Variants in SCAF11 observed in about 807,000 individuals in gnomAD.
The protein encoded by SCAF11 is SR-related CTD associated factor 11.
In SCAF11, 47 loss-of-function variants were observed where a neutral mutation model predicts 140.5. That is an observed-to-expected ratio of 0.33 (90% confidence interval 0.26 to 0.43). The LOEUF (loss-of-function observed/expected upper bound fraction) is 0.43, where lower values mean the gene tolerates loss of function less well. Among genes scored for constraint, SCAF11 ranks in the 20% least tolerant of loss-of-function variants. SCAF11 has a pLI of 1.00. For synonymous variants in SCAF11, 557 were observed against 579.4 expected, an observed-to-expected ratio of 0.96 and a Z score of 0.55; for missense variants, 1,645 against 1,705.1, an observed-to-expected ratio of 0.96 and a Z score of 0.62.
At chr12:45,938,344 C>T (rs903240125) in intron 6 of SCAF11, among the ~76,000 whole-genome samples, 8 of 152,046 alleles carry the variant, frequency 5.3e-5, no homozygotes, top group African/African-American at 1.9e-4. Flanking sequence ...CCAAAATTAG[C>T]CGGGCATGAT....
intron 1 of SCAF11, among the ~76,000 whole-genome samples, chr12:45,973,808 G>A (rs1341657053): frequency 6.6e-6 from 1 of 152,160 alleles, no homozygotes; most frequent in Non-Finnish European, 1.5e-5. Flanking sequence ...GAAAAATGAT[G>A]AGAATTCTTT....
At chr12:45,943,945 T>C (rs559435980) in intron 6 of SCAF11, among the ~76,000 whole-genome samples, 4 of 152,158 alleles carry the variant, frequency 2.6e-5, no homozygotes, top group East Asian at 1.9e-4. Flanking sequence ...GAATTAATCA[T>C]AGATGCTTAT....
At chr12:45,925,590 A>G (rs911413965) in intron 11 of SCAF11, among the ~76,000 whole-genome samples, 19 of 152,294 alleles carry the variant, frequency 1.2e-4, no homozygotes, top group Admixed American at 1.1e-3. Flanking sequence ...ATTTTTAAGA[A>G]TAAGTTCATG....
intron 1 of SCAF11, among the ~76,000 whole-genome samples, chr12:45,983,115 C>T (rs369231473): frequency 3.3e-5 from 5 of 152,112 alleles, no homozygotes; most frequent in East Asian, 1.9e-4. Context: ...TTAGGACTTA[C>T]GTTGTGTTTC....
At chr12:45,964,728 A>G (rs1382280951) in intron 1 of SCAF11, among the ~76,000 whole-genome samples, 1 of 152,184 alleles carries the variant, frequency 6.6e-6, no homozygotes, top group Non-Finnish European at 1.5e-5. Flanking sequence ...CCTAAATGAT[A>G]TATTTTGTGG....
intron 3 of SCAF11, among the ~76,000 whole-genome samples, chr12:45,954,038 A>G (rs963361210): frequency 2.6e-5 from 4 of 152,228 alleles, no homozygotes; most frequent in African/African-American, 4.8e-5. Flanking sequence ...GTAGATGGAA[A>G]TCCAAGTACT....
chr12:45,947,913 G>A (rs1367541741), intron 5 of SCAF11, among the ~76,000 whole-genome samples: 2 of 152,130 alleles, frequency 1.3e-5, no homozygotes, highest in African/African-American at 4.8e-5. Flanking sequence ...CTGAGCTCAA[G>A]TGATCCTCCC....
At position 45,933,306 on chromosome 12, in the gene SCAF11, G is replaced by C. The variant is rs117383400; in HGVS notation, c.633-74C>G. On this transcript the variant is annotated intron_variant, in intron 8 of 14. Coordinates refer to ENST00000369367, the MANE Select transcript of SCAF11 (RefSeq NM_004719.3). ...CAAAAAAACAATTAGGTTGTACAAA[G>C]AATAGCAGTCGTTTTTGTACCTGGC... is the stretch of plus-strand genomic sequence containing the variant. The C allele has an allele frequency of 3.8e-3, 3,702 of 976,940 alleles. 144 individuals carry two copies. In the East Asian group the frequency reaches 0.082, roughly 22 times the overall value. 60.5% of individuals were successfully genotyped at this position (976,940 alleles called of 1,614,324 possible). A position where few individuals can be genotyped will look rare whatever the true frequency, so the allele number is the denominator to read the frequency against.
intron 1 of SCAF11, among the ~76,000 whole-genome samples, chr12:45,973,013 G>T (rs12830287): frequency 1.3e-4 from 17 of 135,154 alleles, no homozygotes; most frequent in East Asian, 4.4e-4. Context: ...TATATATATA[G>T]ATATATAGAT....
rs148700042 is a variant in SCAF11, at chr12:45,979,619, C to T, written c.-22+10734G>A. On this transcript the variant is annotated intron_variant, in intron 1 of 14. Transcript: ENST00000369367. ...ACAAGTAGTTATTATAAAACCAAGACAGAAAAAAGCAATTATCTTGCACAG... is the reference window on the plus strand; with the variant it reads ...ACAAGTAGTTATTATAAAACCAAGATAGAAAAAAGCAATTATCTTGCACAG... 2.5e-3 allele frequency among the ~76,000 whole-genome samples: 384 copies of T among 152,148 alleles called. 4 individuals are homozygous for T. Among genetic ancestry groups the T allele is most frequent in the African/African-American group, 8.5e-3 (353 of 41,516 alleles).
chr12:45,978,913 CAAAA>C lies in SCAF11; in HGVS notation c.-22+11436_-22+11439del, dbSNP rs539764872. Among the ~76,000 whole-genome samples the C allele has an allele frequency of 1.1e-3, 171 of 151,634 alleles. 1 individual carries two copies. The highest frequency in any genetic ancestry group is 3.7e-3 in the African/African-American group (153 of 41,086). ...CAACAAATAAAAACAAACAAACAAA[CAAAA>C]GACACTTGAGACAGTTAATTTATAA... On this transcript the variant is annotated intron_variant, in intron 1 of 14. Transcript: ENST00000369367.
chr12:45,929,056 T>C, intron 10 of SCAF11, 197 bp from the exon 11 acceptor site: 1 of 351,418 alleles, frequency 2.8e-6, no homozygotes, highest in Non-Finnish European at 5.0e-6. Context: ...GACACTGAAA[T>C]AAGTTATAAC....
chr12:45,939,732 T>G (rs1053750036), intron 6 of SCAF11, among the ~76,000 whole-genome samples: 2 of 152,076 alleles, frequency 1.3e-5, no homozygotes, highest in African/African-American at 4.8e-5. Flanking sequence ...AATAAATAAA[T>G]AAGAAAACAA....
chr12:45,927,142 C>T lies in SCAF11; in HGVS notation c.2559G>A (p.Lys853=), dbSNP rs1259903693. ...ATTGCCTCCTTTCTCTTGCAATATC[C>T]TTTTTTGGGGACTGAGAACGGGATT... is the stretch of plus-strand genomic sequence containing the variant. ...RKKSRSQSPK[K]DIARERRQSQ... The change falls in exon 11 of 15, where the codon AAG becomes AAA. Residue 853 remains lysine (K), a synonymous_variant. Coordinates refer to ENST00000369367, the MANE Select transcript of SCAF11 (RefSeq NM_004719.3). 2 of 1,614,002 alleles carry T rather than the reference C, an allele frequency of 1.2e-6. No individual in the cohort carries two copies. The highest frequency in any genetic ancestry group is 1.1e-5 in the South Asian group (1 of 91,064).
chr12:45,947,830 C>A (rs192379555), intron 5 of SCAF11, among the ~76,000 whole-genome samples: 2 of 152,218 alleles, frequency 1.3e-5, no homozygotes, highest in East Asian at 1.9e-4. Context: ...CCATGTGTCA[C>A]CATGCCCGGC....
At chr12:45,959,176 C>T (rs569580743) in intron 3 of SCAF11, among the ~76,000 whole-genome samples, 2 of 151,746 alleles carry the variant, frequency 1.3e-5, no homozygotes, top group Non-Finnish European at 2.9e-5. Flanking sequence ...AGCTGTGGCA[C>T]AAGAATCGCT....
At chr12:45,969,420 C>T (rs1946025029) in intron 1 of SCAF11, among the ~76,000 whole-genome samples, 1 of 152,188 alleles carries the variant, frequency 6.6e-6, no homozygotes, top group Non-Finnish European at 1.5e-5. Context: ...AAAACTCCCT[C>T]TCCCTCCTTG....
Position 45,926,503 on chromosome 12 carries a change from A to G in SCAF11, c.3198T>C (p.Gly1066=). 6.2e-7 allele frequency: 1 copy of G among 1,613,978 alleles called. No homozygotes were observed. Among genetic ancestry groups the G allele is most frequent in the Non-Finnish European group, 8.5e-7 (1 of 1,179,976 alleles). The part of the protein sequence containing the change: ...GNSWNKNFGS[G]WVSNRGRGRG... ...TGCCTCTACCACGGTTAGATACCCA[A>G]CCAGAACCAAAGTTTTTATTCCAAG... Residue 1066 remains glycine (G), a synonymous_variant, in exon 11 of 15, where the codon GGT becomes GGC. Transcript: ENST00000369367.
At chr12:45,989,811 G>A (rs774786291) in intron 1 of SCAF11, among the ~76,000 whole-genome samples, 3 of 152,156 alleles carry the variant, frequency 2.0e-5, no homozygotes, top group South Asian at 2.1e-4. Flanking sequence ...CACTCGAGAG[G>A]TCACGGCGTA....
Sources: allele counts gnomAD v4.1 joint callset (sites outside exome capture counted in the v4.1 genomes callset), GRCh38; gene constraint gnomAD v4.1.1; transcripts MANE v1.5; gene names NCBI Gene and HGNC (gene_info 2026-07-23, HGNC 2026-07-21).